LRRTM3: variants seen among roughly 807,000 people sequenced by gnomAD.
LRRTM3 encodes leucine-rich repeat transmembrane neuronal protein 3.
A neutral mutation model predicts 44.7 loss-of-function variants in LRRTM3; 24 were observed. The ratio of observed to expected loss-of-function variants is 0.54; its 90% CI spans 0.39 to 0.76. The LOEUF (loss-of-function observed/expected upper bound fraction) is 0.76. Ranked by LOEUF, LRRTM3 falls within the 30% of genes least tolerant of loss-of-function variation. The pLI, the probability that LRRTM3 is intolerant of heterozygous loss-of-function variation, is 0.00. For missense variants in LRRTM3, 587 were observed against 702.2 expected, an observed-to-expected ratio of 0.84 and a Z score of 1.85; for synonymous variants, 277 against 278.7, an observed-to-expected ratio of 0.99 and a Z score of 0.06.
At chr10:66,953,064 T>C (rs1293383604) in intron 2 of LRRTM3, among the ~76,000 whole-genome samples, 1 of 152,042 alleles carries the variant, frequency 6.6e-6, no homozygotes, top group Non-Finnish European at 1.5e-5. Context: ...GAAACAACTC[T>C]AGTGTACAGA....
At chr10:66,972,998 T>C (rs1433030052) in intron 2 of LRRTM3, among the ~76,000 whole-genome samples, 2 of 152,212 alleles carry the variant, frequency 1.3e-5, no homozygotes, top group Non-Finnish European at 2.9e-5. Context: ...TATTAAAAAC[T>C]AAGTCAACCA....
At chr10:67,001,983 TGG>T in intron 2 of LRRTM3, among the ~76,000 whole-genome samples, 1 of 152,250 alleles carries the variant, frequency 6.6e-6, no homozygotes, top group African/African-American at 2.4e-5. Context: ...AGTGCAGAAA[TGG>T]GTATGAGTCT....
chr10:66,948,641 A>G (rs1848391922), intron 2 of LRRTM3, among the ~76,000 whole-genome samples: 1 of 152,232 alleles, frequency 6.6e-6, no homozygotes, highest in African/African-American at 2.4e-5. Flanking sequence ...ATCTACAGGA[A>G]GAATACCACA....
chr10:67,056,585 CT>C (rs1855446022), intron 2 of LRRTM3, among the ~76,000 whole-genome samples: 1 of 152,248 alleles, frequency 6.6e-6, no homozygotes, highest in South Asian at 2.1e-4. Flanking sequence ...CACTCACAAA[CT>C]TTCTAAAATA....
chr10:67,076,497 A>T (rs944325573), intron 2 of LRRTM3, among the ~76,000 whole-genome samples: 2 of 152,236 alleles, frequency 1.3e-5, no homozygotes, highest in African/African-American at 4.8e-5. Context: ...CCAGGACTCC[A>T]TCAGAATGCC....
intron 2 of LRRTM3, among the ~76,000 whole-genome samples, chr10:66,996,499 C>T (rs796814581): frequency 1.3e-5 from 2 of 151,694 alleles, no homozygotes; most frequent in African/African-American, 4.8e-5. Context: ...ACACAAGAAA[C>T]TAGCCGGGCG....
At position 67,100,747 on chromosome 10, in the gene LRRTM3, C is replaced by T. The variant is rs1858290816; in HGVS notation, c.*2951C>T. On this transcript the variant is annotated 3_prime_UTR_variant, in exon 3 of 3. Transcript: ENST00000361320. ...TTTGAAGTTCACAAACCACATTTTACATAAATTATCTCATTTTGTCTTCAT... is the reference window on the plus strand; with the variant it reads ...TTTGAAGTTCACAAACCACATTTTATATAAATTATCTCATTTTGTCTTCAT... 6.6e-6 allele frequency among the ~76,000 whole-genome samples: 1 copy of T among 151,714 alleles called. No homozygotes were observed. The highest frequency in any genetic ancestry group is 1.5e-5 in the Non-Finnish European group (1 of 67,790).
intron 2 of LRRTM3, among the ~76,000 whole-genome samples, chr10:67,087,441 G>T (rs1857368380): frequency 6.6e-6 from 1 of 151,298 alleles, no homozygotes; most frequent in African/African-American, 2.4e-5. Flanking sequence ...CCAAATTAAG[G>T]GATGATTATC....
At chr10:66,970,246 A>G (rs553851489) in intron 2 of LRRTM3, among the ~76,000 whole-genome samples, 10 of 152,224 alleles carry the variant, frequency 6.6e-5, no homozygotes, top group Non-Finnish European at 7.3e-5. Flanking sequence ...ACAAAAGTTT[A>G]TAGTCTGTCA....
intron 2 of LRRTM3, among the ~76,000 whole-genome samples, chr10:66,946,442 T>C (rs1335917385): frequency 6.6e-6 from 1 of 152,116 alleles, no homozygotes; most frequent in African/African-American, 2.4e-5. Context: ...ATGGTCAATG[T>C]ACAGCTTGAT....
At chr10:67,049,277 T>C (rs1442003080) in intron 2 of LRRTM3, among the ~76,000 whole-genome samples, 1 of 152,108 alleles carries the variant, frequency 6.6e-6, no homozygotes, top group Non-Finnish European at 1.5e-5. Context: ...AAGAGGTCTA[T>C]TATTAATCAA....
At chr10:67,011,797 G>T (rs1335171125) in intron 2 of LRRTM3, among the ~76,000 whole-genome samples, 1 of 152,090 alleles carries the variant, frequency 6.6e-6, no homozygotes, top group Non-Finnish European at 1.5e-5. Context: ...ATACAGAAGA[G>T]AAAATGGAAG....
chr10:66,991,525 T>C (rs1309051555), intron 2 of LRRTM3, among the ~76,000 whole-genome samples: 1 of 152,166 alleles, frequency 6.6e-6, no homozygotes, highest in African/African-American at 2.4e-5. Context: ...ATAAAACATT[T>C]TGTAGACTCA....
chr10:67,070,545 G>C (rs528982236), intron 2 of LRRTM3, among the ~76,000 whole-genome samples: 6 of 152,100 alleles, frequency 3.9e-5, no homozygotes, highest in African/African-American at 1.4e-4. Context: ...TCCGGAGATC[G>C]AGACCATCTT....
chr10:66,930,057 T>C (rs994678430), intron 2 of LRRTM3, among the ~76,000 whole-genome samples: 1 of 142,830 alleles, frequency 7.0e-6, no homozygotes, highest in Non-Finnish European at 1.5e-5. Flanking sequence ...TTTTTACTAA[T>C]TTTTTTTTAT....
intron 2 of LRRTM3, among the ~76,000 whole-genome samples, chr10:66,991,499 T>C (rs1488737009): frequency 6.6e-6 from 1 of 152,198 alleles, no homozygotes; most frequent in Admixed American, 6.5e-5. Context: ...TTAAACATTA[T>C]AAAGTACACT....
chr10:67,046,623 G>GA (rs146158145), intron 2 of LRRTM3, among the ~76,000 whole-genome samples: 4,962 of 150,940 alleles, frequency 0.033, 249 homozygotes, highest in African/African-American at 0.11. Flanking sequence ...AAGACTTCAG[G>GA]AAAAAAAAAT....
chr10:67,048,793 G>C (rs1253305048), intron 2 of LRRTM3, among the ~76,000 whole-genome samples: 1 of 152,008 alleles, frequency 6.6e-6, no homozygotes, highest in Non-Finnish European at 1.5e-5. Flanking sequence ...TAATTTCCAA[G>C]TATTATATCT....
intron 2 of LRRTM3, among the ~76,000 whole-genome samples, chr10:67,031,762 T>C (rs1210943510): frequency 1.3e-5 from 2 of 152,166 alleles, no homozygotes; most frequent in African/African-American, 2.4e-5. Context: ...ATCTAAGAAA[T>C]GAGTGAGAAT....
Sources: gnomAD v4.1 joint callset for allele counts (sites outside exome capture counted in the v4.1 genomes callset) on GRCh38, gnomAD v4.1.1 for gene constraint, MANE v1.5 for transcripts, NCBI Gene and HGNC (gene_info 2026-07-23, HGNC 2026-07-21) for gene names.